The following ZNF106 variants were observed in gnomAD, a reference collection of about 807,000 sequenced individuals.
The protein encoded by ZNF106 is zinc finger protein 106, also known as SH3-domain binding protein 3.
Under a neutral mutation model 195.1 loss-of-function variants are expected in ZNF106, and 67 were observed. The ratio of observed to expected loss-of-function variants is 0.34; its 90% confidence interval spans 0.28 to 0.42. The LOEUF (loss-of-function observed/expected upper bound fraction) is 0.42, where lower values mean the gene tolerates loss of function less well. Ranked by LOEUF, ZNF106 falls within the 10% of genes least tolerant of loss-of-function variation. The pLI is 1.00. For synonymous variants in ZNF106, 784 were observed against 818.6 expected (o/e 0.96, Z 0.72); for missense variants, 2,118 against 2,304.5 (o/e 0.92, Z 1.66).
At chr15:42,453,725 A>T (rs746608956) in intron 4 of ZNF106, among the ~76,000 whole-genome samples, 1 of 151,842 alleles carries the variant, frequency 6.6e-6, no homozygotes, top group Admixed American at 6.6e-5. Context: ...CCTCCTGAGT[A>T]GCTGGGATTA....
chr15:42,427,133 C>T (rs908092982), intron 15 of ZNF106, among the ~76,000 whole-genome samples: 2 of 152,212 alleles, frequency 1.3e-5, no homozygotes, highest in Non-Finnish European at 2.9e-5. Flanking sequence ...GATTCTACCT[C>T]TTGGATTATA....
chr15:42,469,091 A>G (rs1039607022), intron 2 of ZNF106, among the ~76,000 whole-genome samples: 27 of 151,874 alleles, frequency 1.8e-4, no homozygotes, highest in African/African-American at 5.8e-4. Flanking sequence ...AGGCTGAAGC[A>G]GGAGGATCAC....
chr15:42,435,197 A>C (rs1236821973), intron 14 of ZNF106, among the ~76,000 whole-genome samples, 187 bp downstream of exon 14: 1 of 152,222 alleles, frequency 6.6e-6, no homozygotes, highest in Non-Finnish European at 1.5e-5. Flanking sequence ...GTGGAGAGAG[A>C]CAGAAAATAT....
chr15:42,451,805 T>G lies in ZNF106; in HGVS notation c.467A>C (p.Lys156Thr). The G allele has an allele frequency of 6.2e-7, 1 of 1,614,206 alleles. No individual in the cohort carries two copies. The highest frequency in any genetic ancestry group is 8.5e-7 in the Non-Finnish European group (1 of 1,180,024). Residue 156 changes from lysine to threonine, a missense_variant, in exon 5 of 22, where the codon AAA becomes ACA. Lys to Thr is a moderately conservative substitution (Grantham distance 78). Transcript: ENST00000564754. ...HHRGPPQRDW[K>T]WEKDGFNNTR... Reference sequence around the variant, plus strand: ...ATTATTAAAGCCATCTTTTTCCCATTTCCAATCCCGCTGTGGAGGTCCACG... The same window carrying G: ...ATTATTAAAGCCATCTTTTTCCCATGTCCAATCCCGCTGTGGAGGTCCACG...
At position 42,444,287 on chromosome 15, in the gene ZNF106, C is replaced by G. The variant is rs1246442972; in HGVS notation, c.3361-25G>C. ...TCTAAAAATAAAGTATTTTATTAAG[C>G]ATTTTGAAATCCAACTTGTAAGGTC... On this transcript the variant is annotated intron_variant, in intron 8 of 21. Coordinates refer to ENST00000564754, the MANE Select transcript of ZNF106 (RefSeq NM_001366845.3). The G allele has an allele frequency of 1.9e-6, 3 of 1,582,200 alleles. No individual in the cohort carries two copies. The African/African-American group carries it at 4.1e-5, about 21-fold the overall frequency.
intron 3 of ZNF106, among the ~76,000 whole-genome samples, chr15:42,463,810 T>C (rs1164920185): frequency 6.6e-6 from 1 of 151,904 alleles, no homozygotes; most frequent in South Asian, 2.1e-4. Context: ...CTCAAAAAAG[T>C]ATATATTAAA....
chr15:42,459,202 G>A (rs1427367539), intron 3 of ZNF106, among the ~76,000 whole-genome samples: 3 of 152,086 alleles, frequency 2.0e-5, no homozygotes, highest in Non-Finnish European at 4.4e-5. Context: ...TCGGCCAGGC[G>A]TGGTGGCTCA....
chr15:42,481,357 G>GTTT (rs751618549), intron 1 of ZNF106, among the ~76,000 whole-genome samples: 15 of 109,164 alleles, frequency 1.4e-4, no homozygotes, highest in East Asian at 2.9e-4. Context: ...TTTTTTTGTT[G>GTTT]TTTTTTTTTT....
At chr15:42,470,174 C>A (rs753478964) in intron 2 of ZNF106, among the ~76,000 whole-genome samples, 10 of 152,094 alleles carry the variant, frequency 6.6e-5, no homozygotes, top group African/African-American at 9.7e-5. Flanking sequence ...ATATTTAACT[C>A]CAGGGCTTCT....
chr15:42,460,304 C>T (rs891444702), intron 3 of ZNF106, among the ~76,000 whole-genome samples: 4 of 152,122 alleles, frequency 2.6e-5, no homozygotes, highest in Non-Finnish European at 5.9e-5. Context: ...AAAGACACAA[C>T]TAGAAAGCAA....
chr15:42,463,094 G>A (rs943669357), intron 3 of ZNF106, among the ~76,000 whole-genome samples: 2 of 151,958 alleles, frequency 1.3e-5, no homozygotes, highest in East Asian at 1.9e-4. Context: ...CACCGCGGCC[G>A]GCCCAAACTT....
rs1277112425 is a variant in ZNF106 at position 42,438,780 on chromosome 15, TATAAG to T, written c.4545-118_4545-114del. On this transcript the variant is annotated intron_variant, in intron 11 of 21. Transcript: ENST00000564754. ...TAAACAATGGGCAAAGTAGCAATGA[TATAAG>T]AGATTAGATTTTCCATCTGAAATTT... The T allele has an allele frequency of 1.0e-5, 10 of 972,828 alleles. No homozygotes were observed. The African/African-American group carries it at 1.7e-4, about 16-fold the overall frequency. 60.3% of individuals were successfully genotyped at this position (972,828 alleles called of 1,614,324 possible).
chr15:42,456,851 T>G, intron 4 of ZNF106, 107 bp downstream of exon 4: 1 of 1,056,834 alleles, frequency 9.5e-7, no homozygotes. Context: ...AAGCTAAACT[T>G]TATACCTAAG....
intron 14 of ZNF106, 103 bp downstream of exon 14, chr15:42,435,281 A>T: frequency 6.7e-7 from 1 of 1,488,954 alleles, no homozygotes; most frequent in Non-Finnish European, 9.2e-7. Context: ...CAAAAAGGAG[A>T]TGGTGGGTAG....
At chr15:42,482,591 C>T (rs535544624) in intron 1 of ZNF106, among the ~76,000 whole-genome samples, 37 of 136,304 alleles carry the variant, frequency 2.7e-4, no homozygotes, top group African/African-American at 9.9e-4. Context: ...TGCAGTGGCA[C>T]GATCTCAGCT....
intron 4 of ZNF106, among the ~76,000 whole-genome samples, chr15:42,455,848 T>C (rs2056207888): frequency 6.6e-6 from 1 of 152,188 alleles, no homozygotes; most frequent in Admixed American, 6.5e-5. Context: ...CTTAAAAAAT[T>C]ATCCCACCTC....
chr15:42,454,875 G>T (rs1595474633), intron 4 of ZNF106, among the ~76,000 whole-genome samples: 1 of 151,796 alleles, frequency 6.6e-6, no homozygotes, highest in African/African-American at 2.4e-5. Context: ...CTCAAGCCTG[G>T]GTGACAGACC....
intron 1 of ZNF106, among the ~76,000 whole-genome samples, chr15:42,479,917 A>G (rs1408825052): frequency 6.6e-6 from 1 of 152,128 alleles, no homozygotes; most frequent in African/African-American, 2.4e-5. Context: ...TGACACAAAC[A>G]TGGCTCACTG....
At chr15:42,469,814 G>C (rs1207987123) in intron 2 of ZNF106, among the ~76,000 whole-genome samples, 5 of 146,370 alleles carry the variant, frequency 3.4e-5, no homozygotes, top group African/African-American at 1.3e-4. Flanking sequence ...CTCCAGCCTA[G>C]ACAGCAGGGT....
Sources: allele counts gnomAD v4.1 joint callset (sites outside exome capture counted in the v4.1 genomes callset), GRCh38; gene constraint gnomAD v4.1.1; transcripts MANE v1.5; gene names NCBI Gene and HGNC (gene_info 2026-07-23, HGNC 2026-07-21).